Variants in TOGARAM2 observed in about 807,000 individuals in gnomAD.
The protein encoded by TOGARAM2 is TOG array regulator of axonemal microtubules 2, also known as TOG array regulator of axonemal microtubules protein 2.
A neutral mutation model predicts 93.3 loss-of-function variants in TOGARAM2; 85 were observed. That is an observed-to-expected ratio of 0.91 (90% confidence interval 0.76 to 1.09). TOGARAM2 has a LOEUF of 1.09. Among genes scored for constraint, TOGARAM2 ranks in the 50% least tolerant of loss-of-function variants. The probability of loss-of-function intolerance (pLI) is 0.00; values close to 1 mark genes in which losing one functional copy is unlikely to be tolerated. For missense variants in TOGARAM2, 1,277 were observed against 1,334.5 expected (o/e 0.96, Z 0.67); for synonymous variants, 593 against 552.8 (o/e 1.07, Z -1.02).
intron 1 of TOGARAM2, among the ~76,000 whole-genome samples, chr2:28,971,306 G>A (rs1484480600): frequency 6.6e-6 from 1 of 151,984 alleles, no homozygotes; most frequent in African/African-American, 2.4e-5. Flanking sequence ...CAACCTCCCA[G>A]GCTCAAGCGA....
chr2:29,044,817 T>C (rs189956892), intron 18 of TOGARAM2, among the ~76,000 whole-genome samples: 6 of 152,258 alleles, frequency 3.9e-5, no homozygotes, highest in African/African-American at 1.4e-4. Context: ...TGAGAAGAGC[T>C]ATACTTTCTG....
upstream of TOGARAM2, among the ~76,000 whole-genome samples, chr2:28,977,997 C>T (rs991588188): frequency 6.6e-6 from 1 of 152,096 alleles, no homozygotes; most frequent in Non-Finnish European, 1.5e-5. Flanking sequence ...ACTTCTGCCT[C>T]CTGGGCTCAA....
chr2:28,998,682 T>G (rs1673120961), intron 3 of TOGARAM2, among the ~76,000 whole-genome samples: 1 of 152,204 alleles, frequency 6.6e-6, no homozygotes, highest in South Asian at 2.1e-4. Context: ...AGAGCACCAC[T>G]TCCTGAAGGT....
At chr2:29,013,648 G>C (rs1051034474) in intron 7 of TOGARAM2, among the ~76,000 whole-genome samples, 4 of 152,244 alleles carry the variant, frequency 2.6e-5, no homozygotes, top group Non-Finnish European at 5.9e-5. Context: ...GGAGAAAGCA[G>C]GCAGCCAGAA....
At chr2:29,036,829 G>T in intron 18 of TOGARAM2, 72 bp downstream of exon 18, 2 of 1,456,048 alleles carry the variant, frequency 1.4e-6, no homozygotes, top group Non-Finnish European at 1.9e-6. Context: ...TCTGCAAGGT[G>T]GATAAGGCCT....
rs201395358 is a variant in TOGARAM2 at position 29,017,219 on chromosome 2, G to C, written c.1110G>C (p.Glu370Asp). The change falls in exon 9 of 20, where the codon GAG (glutamate) becomes GAC (aspartate). Residue 370 changes from glutamate to aspartate, a missense_variant. Transcript: ENST00000379558. ...AGCTGAAGCAGATGAAGGAGATGGAGCTGCTTCGGAGGCTGGAGGAGCCCA... is the reference window on the plus strand; with the variant it reads ...AGCTGAAGCAGATGAAGGAGATGGACCTGCTTCGGAGGCTGGAGGAGCCCA... The part of the protein sequence containing the change: ...KMQLKQMKEM[E>D]LLRRLEEPRT... 216 of 1,613,884 alleles carry C rather than the reference G, an allele frequency of 1.3e-4. No individual in the cohort carries two copies. The highest frequency in any genetic ancestry group is 3.3e-4 in the Middle Eastern group (2 of 6,084).
chr2:28,983,720 A>G (rs895546759), intron 1 of TOGARAM2, among the ~76,000 whole-genome samples: 7 of 152,128 alleles, frequency 4.6e-5, no homozygotes, highest in Non-Finnish European at 8.8e-5. Context: ...TAGCTTTATC[A>G]GGTAAAGCCA....
At chr2:28,972,018 TAC>T (rs1317970739) in intron 1 of TOGARAM2, among the ~76,000 whole-genome samples, 1 of 152,208 alleles carries the variant, frequency 6.6e-6, no homozygotes, top group African/African-American at 2.4e-5. Flanking sequence ...AACGTCGTAA[TAC>T]ACAGTGTATA....
At position 28,961,842 on chromosome 2, in the gene TOGARAM2, A is replaced by G. The variant is rs550599742; in HGVS notation, c.-147+5145A>G. On this transcript the variant is annotated intron_variant, in intron 1 of 6. Coordinates refer to the TOGARAM2 transcript ENST00000401723. ...TGAGGAAACCAGTGATATACTTTCTATCATTATGGAATAAGTGTCTTTGCT... is the reference window on the plus strand; with the variant it reads ...TGAGGAAACCAGTGATATACTTTCTGTCATTATGGAATAAGTGTCTTTGCT... Among the ~76,000 whole-genome samples the G allele has an allele frequency of 6.6e-5, 10 of 152,332 alleles. 1 individual carries two copies. In the South Asian group the frequency reaches 1.5e-3, roughly 22 times the overall value.
intron 10 of TOGARAM2, among the ~76,000 whole-genome samples, chr2:29,019,220 G>A (rs530806995): frequency 3.1e-5 from 4 of 130,906 alleles, no homozygotes; most frequent in African/African-American, 8.7e-5. Context: ...TCACTCTGTC[G>A]CCCAGGCTGG....
Position 29,042,842 on chromosome 2 carries a change from T to C in TOGARAM2, c.2636-2482T>C, listed in dbSNP as rs535406514. Among the ~76,000 whole-genome samples, 19 of 152,364 alleles carry C rather than the reference T, an allele frequency of 1.2e-4. No individual in the cohort carries two copies. In the South Asian group the frequency reaches 1.9e-3, roughly 15 times the overall value. ...AGTGTCAGCAGGGCAATTATGCCTT[T>C]TACAGACCATAGTGGCACAGGGCCA... On this transcript the variant is annotated intron_variant, in intron 18 of 19. Transcript: ENST00000379558.
chr2:29,020,217 G>A (rs1664849086), intron 10 of TOGARAM2, among the ~76,000 whole-genome samples: 1 of 151,716 alleles, frequency 6.6e-6, no homozygotes, highest in African/African-American at 2.4e-5. Context: ...AACAGATGTG[G>A]GTTGTTACAG....
intron 6 of TOGARAM2, 59 bp from the exon 7 acceptor site, chr2:29,011,396 C>A: frequency 1.9e-6 from 3 of 1,566,146 alleles, no homozygotes; most frequent in South Asian, 1.1e-5. Flanking sequence ...TGGGCTCCCC[C>A]AGCAGTGTCT....
chr2:29,005,187 CAGTGTGTG>C (rs1289402459), intron 6 of TOGARAM2, among the ~76,000 whole-genome samples: 11 of 108,440 alleles, frequency 1.0e-4, no homozygotes, highest in Non-Finnish European at 1.7e-4. Flanking sequence ...CATATGTGTG[CAGTGTGTG>C]TGTGCATGTG....
rs768728085 is a variant in TOGARAM2 at position 28,998,217 on chromosome 2, C to A, written c.103C>A (p.Pro35Thr). 1.2e-6 allele frequency: 2 copies of A among 1,612,382 alleles called. No homozygotes were observed. The highest frequency in any genetic ancestry group is 1.7e-6 in the Non-Finnish European group (2 of 1,179,310). The change falls in exon 3 of 20, where the codon CCT becomes ACT. Residue 35 changes from proline to threonine, a missense_variant. Physicochemically the swap from Pro to Thr is conservative, Grantham distance 38. Coordinates refer to ENST00000379558, the MANE Select transcript of TOGARAM2 (RefSeq NM_199280.4). Reference sequence around the variant, plus strand: ...CAGTGCTGGGCCCCGGGTGCTCCCGCCTGGAAGCATCAACTCCAGTCTGCC... The same window carrying A: ...CAGTGCTGGGCCCCGGGTGCTCCCGACTGGAAGCATCAACTCCAGTCTGCC... ...RTSAGPRVLP[P>T]GSINSSLPHG...
At chr2:28,997,180 A>G (rs1423401746) in intron 2 of TOGARAM2, among the ~76,000 whole-genome samples, 1 of 152,158 alleles carries the variant, frequency 6.6e-6, no homozygotes, top group Non-Finnish European at 1.5e-5. Context: ...GAATAGGAGA[A>G]AATATTTGCA....
intron 3 of TOGARAM2, 46 bp downstream of exon 3, chr2:28,998,299 T>C: frequency 3.6e-6 from 5 of 1,407,330 alleles, no homozygotes; most frequent in South Asian, 1.3e-5. Flanking sequence ...GGCCTCATCC[T>C]GGAGCGGGGA....
intron 1 of TOGARAM2, among the ~76,000 whole-genome samples, chr2:28,969,370 G>A (rs912260598): frequency 2.0e-5 from 3 of 152,232 alleles, no homozygotes; most frequent in Admixed American, 6.5e-5. Flanking sequence ...GCAGTCGTGA[G>A]TGCTACAGTG....
At chr2:29,005,245 ATG>A (rs1441602467) in intron 6 of TOGARAM2, among the ~76,000 whole-genome samples, 6 of 135,546 alleles carry the variant, frequency 4.4e-5, no homozygotes, top group Non-Finnish European at 7.8e-5. Context: ...GTGTGGGACC[ATG>A]TGTGTGAGTG....
Sources: gnomAD v4.1 joint callset for allele counts (sites outside exome capture counted in the v4.1 genomes callset) on GRCh38, gnomAD v4.1.1 for gene constraint, MANE v1.5 for transcripts, NCBI Gene and HGNC (gene_info 2026-07-23, HGNC 2026-07-21) for gene names.